Variants in LUZP2 observed in about 807,000 individuals in gnomAD.
LUZP2 encodes the protein leucine zipper protein 2.
Under a neutral mutation model 51.6 loss-of-function variants are expected in LUZP2, and 52 were observed. The observed-to-expected ratio is 1.01, with a 90% CI of 0.81 to 1.27. The LOEUF is 1.27. LUZP2 is among the 50% of genes most tolerant of loss of function. The pLI, the probability that LUZP2 is intolerant of heterozygous loss-of-function variation, is 0.00. For missense variants in LUZP2, 436 were observed against 395.4 expected, an observed-to-expected ratio of 1.10 and a Z score of -0.87; for synonymous variants, 154 against 137.3, an observed-to-expected ratio of 1.12 and a Z score of -0.85.
chr11:24,602,099 T>C (rs1170159294), intron 1 of LUZP2, among the ~76,000 whole-genome samples: 1 of 131,236 alleles, frequency 7.6e-6, no homozygotes, highest in African/African-American at 3.0e-5. Flanking sequence ...TATGTATATA[T>C]GTGTATATGT....
At chr11:24,512,622 A>G (rs1850345460) in intron 1 of LUZP2, among the ~76,000 whole-genome samples, 1 of 152,212 alleles carries the variant, frequency 6.6e-6, no homozygotes, top group Non-Finnish European at 1.5e-5. Context: ...TGTTAAAGGA[A>G]TGATTTTACA....
intron 4 of LUZP2, among the ~76,000 whole-genome samples, chr11:24,747,601 C>A (rs1271910279): frequency 1.3e-5 from 2 of 152,090 alleles, no homozygotes; most frequent in African/African-American, 4.8e-5. Flanking sequence ...GAGCAGGGTC[C>A]TAAAACTCCC....
At chr11:24,757,705 G>GAATA (rs1293334394) in intron 4 of LUZP2, among the ~76,000 whole-genome samples, 1 of 151,386 alleles carries the variant, frequency 6.6e-6, no homozygotes. Flanking sequence ...GATAAAAATT[G>GAATA]AATAAGAATA....
chr11:24,926,265 AT>A (rs1854233977), intron 7 of LUZP2, among the ~76,000 whole-genome samples: 1 of 53,292 alleles, frequency 1.9e-5, no homozygotes, highest in Non-Finnish European at 4.1e-5. Context: ...GTGTGTGTAT[AT>A]ATATACGTGT....
At chr11:24,631,169 T>G (rs1854876402) in intron 1 of LUZP2, among the ~76,000 whole-genome samples, 1 of 151,930 alleles carries the variant, frequency 6.6e-6, no homozygotes, top group African/African-American at 2.4e-5. Flanking sequence ...CTCTTCTGAT[T>G]TGGAAGCTTT....
chr11:24,940,909 C>T (rs771611796), intron 7 of LUZP2, among the ~76,000 whole-genome samples: 2 of 152,154 alleles, frequency 1.3e-5, no homozygotes, highest in Non-Finnish European at 2.9e-5. Flanking sequence ...AGGCCCTCAG[C>T]AAATGTAGTT....
At chr11:24,675,780 CT>C (rs200633043) in intron 1 of LUZP2, among the ~76,000 whole-genome samples, 12,540 of 144,462 alleles carry the variant, frequency 0.087, 582 homozygotes, top group South Asian at 0.16. Context: ...TTTCATATTT[CT>C]TTTTTTTATA....
intron 9 of LUZP2, among the ~76,000 whole-genome samples, chr11:25,026,058 T>C (rs957964974): frequency 2.0e-5 from 3 of 148,268 alleles, no homozygotes; most frequent in South Asian, 2.1e-4. Flanking sequence ...AACCAAACAC[T>C]GCATGTTCTC....
chr11:24,932,374 G>A (rs1037252350), intron 7 of LUZP2, among the ~76,000 whole-genome samples: 1 of 152,120 alleles, frequency 6.6e-6, no homozygotes, highest in South Asian at 2.1e-4. Flanking sequence ...ACGAGATTAT[G>A]TACTTTGTCT....
At chr11:24,917,977 T>G (rs1166379856) in intron 7 of LUZP2, among the ~76,000 whole-genome samples, 2 of 152,246 alleles carry the variant, frequency 1.3e-5, no homozygotes, top group Non-Finnish European at 1.5e-5. Flanking sequence ...GCATGGAATG[T>G]TCTTCCATTT....
intron 5 of LUZP2, among the ~76,000 whole-genome samples, chr11:24,843,943 G>GT: frequency 6.6e-6 from 1 of 152,252 alleles, no homozygotes; most frequent in Non-Finnish European, 1.5e-5. Context: ...ATGTGAAACT[G>GT]TAAGTCCCTT....
intron 1 of LUZP2, among the ~76,000 whole-genome samples, chr11:24,687,754 A>C (rs1856937416): frequency 6.6e-6 from 1 of 152,174 alleles, no homozygotes; most frequent in Non-Finnish European, 1.5e-5. Flanking sequence ...AAACTCAGTA[A>C]CATCTGAATG....
intron 7 of LUZP2, among the ~76,000 whole-genome samples, chr11:24,969,017 T>A (rs1173300391): frequency 2.0e-5 from 3 of 152,158 alleles, no homozygotes; most frequent in Non-Finnish European, 4.4e-5. Context: ...TTAAGTTATA[T>A]TTTAGGTTTG....
At chr11:24,762,405 T>G (rs1438819426) in intron 4 of LUZP2, among the ~76,000 whole-genome samples, 1 of 152,208 alleles carries the variant, frequency 6.6e-6, no homozygotes, top group Non-Finnish European at 1.5e-5. Flanking sequence ...ATGTCATGAA[T>G]AATCCATGTC....
intron 1 of LUZP2, among the ~76,000 whole-genome samples, chr11:24,712,491 G>A (rs79963072): frequency 0.014 from 2,191 of 152,250 alleles, 55 homozygotes; most frequent in African/African-American, 0.049. Context: ...ATGAAGATCT[G>A]TGATACAAAA....
intron 9 of LUZP2, among the ~76,000 whole-genome samples, chr11:25,017,314 C>G (rs1303757534): frequency 6.6e-6 from 1 of 151,900 alleles, no homozygotes; most frequent in Non-Finnish European, 1.5e-5. Flanking sequence ...TGTTGCTTTC[C>G]CTTTGGGGAC....
intron 1 of LUZP2, among the ~76,000 whole-genome samples, chr11:24,511,696 A>G (rs1030035638): frequency 7.2e-5 from 11 of 152,194 alleles, no homozygotes; most frequent in African/African-American, 2.7e-4. Flanking sequence ...TATGATTTAT[A>G]TTGTGGTTTA....
chr11:24,559,458 C>T (rs191668467), intron 1 of LUZP2, among the ~76,000 whole-genome samples: 1 of 152,276 alleles, frequency 6.6e-6, no homozygotes, highest in Non-Finnish European at 1.5e-5. Flanking sequence ...TAACCTTGCT[C>T]ATAAATATTC....
intron 7 of LUZP2, among the ~76,000 whole-genome samples, chr11:24,961,563 T>G (rs1288253354): frequency 6.6e-6 from 1 of 152,120 alleles, no homozygotes; most frequent in Non-Finnish European, 1.5e-5. Flanking sequence ...GAGACTAGGA[T>G]TGCAACCCCT....
Sources: gnomAD v4.1 joint callset for allele counts (sites outside exome capture counted in the v4.1 genomes callset) on GRCh38, gnomAD v4.1.1 for gene constraint, MANE v1.5 for transcripts, NCBI Gene and HGNC (gene_info 2026-07-23, HGNC 2026-07-21) for gene names.